The following EPHA6 variants were observed in gnomAD, a reference collection of about 807,000 sequenced individuals.
EPHA6 encodes ephrin type-A receptor 6.
In EPHA6, 50 loss-of-function variants were observed where a neutral mutation model predicts 112.0. That is an observed-to-expected ratio of 0.45 (90% confidence interval 0.36 to 0.56). The LOEUF (loss-of-function observed/expected upper bound fraction) is 0.56, where lower values mean the gene tolerates loss of function less well. Ranked by LOEUF, EPHA6 falls within the 20% of genes least tolerant of loss-of-function variation. The pLI is 0.00. For synonymous variants in EPHA6, 529 were observed against 490.7 expected (o/e 1.08, Z -1.03); for missense variants, 1,280 against 1,417.4 (o/e 0.90, Z 1.56).
chr3:96,896,761 A>G (rs1306553324), intron 2 of EPHA6, among the ~76,000 whole-genome samples: 1 of 152,332 alleles, frequency 6.6e-6, no homozygotes, highest in Non-Finnish European at 1.5e-5. Context: ...GAAATTCAAC[A>G]TAACAAAAAG....
intron 2 of EPHA6, among the ~76,000 whole-genome samples, chr3:96,937,156 C>T (rs1398667556): frequency 6.6e-6 from 1 of 152,158 alleles, no homozygotes; most frequent in Admixed American, 6.5e-5. Flanking sequence ...AATGGTATTT[C>T]TAGTTCTAGA....
intron 3 of EPHA6, among the ~76,000 whole-genome samples, chr3:97,112,660 T>A (rs2047758677): frequency 6.6e-6 from 1 of 151,688 alleles, no homozygotes; most frequent in Non-Finnish European, 1.5e-5. Context: ...TTTTCTAGCC[T>A]AGTATGATTT....
intron 2 of EPHA6, among the ~76,000 whole-genome samples, chr3:96,937,672 A>C (rs1576096937): frequency 6.6e-6 from 1 of 152,228 alleles, no homozygotes; most frequent in Non-Finnish European, 1.5e-5. Context: ...TTAGACATGA[A>C]GTCCTTGCCC....
chr3:96,970,164 A>C (rs1044171533), intron 2 of EPHA6, among the ~76,000 whole-genome samples: 3 of 151,514 alleles, frequency 2.0e-5, no homozygotes, highest in African/African-American at 7.3e-5. Flanking sequence ...ATATTACTTC[A>C]CCTGTTCAGT....
At chr3:96,823,689 C>T (rs1359152747) in intron 1 of EPHA6, among the ~76,000 whole-genome samples, 3 of 151,708 alleles carry the variant, frequency 2.0e-5, no homozygotes, top group East Asian at 1.9e-4. Flanking sequence ...TGTATTGGTC[C>T]ACTTGCTAGC....
At chr3:97,116,520 G>T (rs1364996154) in intron 3 of EPHA6, among the ~76,000 whole-genome samples, 2 of 151,544 alleles carry the variant, frequency 1.3e-5, no homozygotes, top group Non-Finnish European at 3.0e-5. Context: ...CTACCACTGG[G>T]AACCACATTA....
intron 5 of EPHA6, among the ~76,000 whole-genome samples, chr3:97,329,836 T>A (rs541647792): frequency 6.6e-6 from 1 of 152,028 alleles, no homozygotes; most frequent in Non-Finnish European, 1.5e-5. Flanking sequence ...ATCCCATTTG[T>A]CAATTTTGGC....
intron 8 of EPHA6, among the ~76,000 whole-genome samples, chr3:97,477,241 A>C (rs1047299006): frequency 6.6e-6 from 1 of 152,228 alleles, no homozygotes; most frequent in Non-Finnish European, 1.5e-5. Context: ...GCAGCTTATC[A>C]AACATGGCCT....
intron 14 of EPHA6, among the ~76,000 whole-genome samples, chr3:97,643,689 C>G (rs1247739223): frequency 3.3e-5 from 5 of 151,514 alleles, no homozygotes; most frequent in African/African-American, 1.2e-4. Context: ...TCAAAAGAGA[C>G]AAGGCCAATA....
At chr3:97,593,474 C>T (rs2093562558) in intron 12 of EPHA6, among the ~76,000 whole-genome samples, 1 of 152,108 alleles carries the variant, frequency 6.6e-6, no homozygotes, top group Admixed American at 6.6e-5. Context: ...CTTAGCAAAA[C>T]AGAATTCAAA....
chr3:97,430,943 T>C (rs2089464743), intron 6 of EPHA6, among the ~76,000 whole-genome samples: 1 of 152,086 alleles, frequency 6.6e-6, no homozygotes, highest in Admixed American at 6.6e-5. Context: ...ATATCACGTA[T>C]TTGCAGTGAC....
At chr3:97,502,703 A>C (rs1418951223) in intron 10 of EPHA6, among the ~76,000 whole-genome samples, 3 of 151,272 alleles carry the variant, frequency 2.0e-5, no homozygotes, top group Non-Finnish European at 2.9e-5. Context: ...GCATGGTGGC[A>C]TGCACCTGTA....
At chr3:97,575,558 C>T (rs1390380917) in intron 11 of EPHA6, among the ~76,000 whole-genome samples, 2 of 152,084 alleles carry the variant, frequency 1.3e-5, no homozygotes, top group African/African-American at 2.4e-5. Context: ...ATGATGACAG[C>T]AGAGGGCTGG....
intron 3 of EPHA6, among the ~76,000 whole-genome samples, chr3:97,206,845 A>T (rs1380235832): frequency 6.6e-6 from 1 of 152,122 alleles, no homozygotes; most frequent in East Asian, 1.9e-4. Flanking sequence ...AGAATAATCA[A>T]AGATGATTGT....
intron 11 of EPHA6, among the ~76,000 whole-genome samples, chr3:97,577,791 G>A (rs182285639): frequency 2.6e-4 from 39 of 152,084 alleles, no homozygotes; most frequent in African/African-American, 8.0e-4. Flanking sequence ...TATCTTTTCC[G>A]GTTTTTTGTT....
chr3:97,328,004 T>TACACACACAC, intron 5 of EPHA6, among the ~76,000 whole-genome samples: 3 of 137,542 alleles, frequency 2.2e-5, no homozygotes, highest in African/African-American at 6.1e-5. Flanking sequence ...TGTGTATGTA[T>TACACACACAC]ATGTATATGT....
At chr3:96,862,977 G>T (rs1048812601) in intron 1 of EPHA6, among the ~76,000 whole-genome samples, 5 of 151,924 alleles carry the variant, frequency 3.3e-5, no homozygotes, top group Non-Finnish European at 7.4e-5. Context: ...TTTTCTAAAA[G>T]TTAATAGGAA....
intron 3 of EPHA6, among the ~76,000 whole-genome samples, chr3:97,122,844 T>C (rs2048080208): frequency 6.6e-6 from 1 of 152,020 alleles, no homozygotes; most frequent in African/African-American, 2.4e-5. Flanking sequence ...AATATATGTA[T>C]GATATGTTGA....
intron 3 of EPHA6, among the ~76,000 whole-genome samples, chr3:96,997,873 CCTT>C (rs971785472): frequency 8.5e-5 from 13 of 152,100 alleles, no homozygotes; most frequent in African/African-American, 3.1e-4. Flanking sequence ...TTGCCACAAA[CCTT>C]CTATGTTTAG....
Sources: allele counts gnomAD v4.1 joint callset (sites outside exome capture counted in the v4.1 genomes callset), GRCh38; gene constraint gnomAD v4.1.1; transcripts MANE v1.5; gene names NCBI Gene and HGNC (gene_info 2026-07-23, HGNC 2026-07-21).